Variants in CFAP52 observed in about 807,000 individuals in gnomAD.
The protein encoded by CFAP52 is cilia and flagella associated protein 52.
A neutral mutation model predicts 70.5 loss-of-function variants in CFAP52; 57 were observed. The ratio of observed to expected loss-of-function variants is 0.81; its 90% CI spans 0.65 to 1.01. CFAP52 has a LOEUF of 1.01. Among genes scored for constraint, CFAP52 ranks in the 50% least tolerant of loss-of-function variants. The pLI is 0.00. For missense variants in CFAP52, 785 were observed against 788.5 expected, an observed-to-expected ratio of 1.00 and a Z score of 0.05; for synonymous variants, 267 against 292.5, an observed-to-expected ratio of 0.91 and a Z score of 0.89.
At chr17:9,594,786 AC>A (rs1908923087) in intron 4 of CFAP52, among the ~76,000 whole-genome samples, 1 of 152,146 alleles carries the variant, frequency 6.6e-6, no homozygotes, top group Admixed American at 6.6e-5. Flanking sequence ...GCTAATGGTG[AC>A]CTAGCTGAAA....
intron 3 of CFAP52, among the ~76,000 whole-genome samples, chr17:9,591,649 G>A (rs530186874): frequency 5.1e-4 from 78 of 152,098 alleles, no homozygotes; most frequent in Non-Finnish European, 7.1e-4. Context: ...AGGCCAAGGC[G>A]GAAAGGATCA....
rs139653833 is a variant in CFAP52 at position 9,632,917 on chromosome 17, G to A, written c.1204G>A (p.Ala402Thr). 11 of 1,613,932 alleles carry A rather than the reference G, an allele frequency of 6.8e-6. No homozygotes were observed. The highest frequency in any genetic ancestry group is 6.8e-6 in the Non-Finnish European group (8 of 1,179,980). ...GAACGACGGTAAAATCCGAGCCTTC[G>A]CCCCAGAGACAGGCCGACTGATGTA... ...AWNDGKIRAFAPETGRLMYVI... is the reference protein window; with the variant it reads ...AWNDGKIRAFTPETGRLMYVI... Residue 402 changes from alanine (A) to threonine (T), a missense_variant, in exon 10 of 14, where the codon GCC (alanine) becomes ACC (threonine). By Grantham distance (58) the Ala-to-Thr change is moderately conservative. Transcript: ENST00000352665.
chr17:9,638,784 G>A, intron 12 of CFAP52, 73 bp downstream of exon 12: 1 of 1,478,372 alleles, frequency 6.8e-7, no homozygotes, highest in South Asian at 1.2e-5. Flanking sequence ...GGTGGAGGGT[G>A]CGGGCTCTGG....
chr17:9,640,194 G>T (rs1910988021), intron 12 of CFAP52, among the ~76,000 whole-genome samples: 1 of 150,606 alleles, frequency 6.6e-6, no homozygotes, highest in Admixed American at 6.6e-5. Context: ...GCACGTGCAG[G>T]TTTGCACTCC....
At chr17:9,638,465 A>C (rs1182989720) in intron 11 of CFAP52, 144 bp from the exon 12 acceptor site, 1 of 677,662 alleles carries the variant, frequency 1.5e-6, no homozygotes, top group Non-Finnish European at 2.6e-6. Flanking sequence ...AAATACAAGC[A>C]CCACTTTGCT....
Position 9,634,529 on chromosome 17 carries a change from G to T in CFAP52, c.1321-876G>T, listed in dbSNP as rs372844877. 2.9e-3 allele frequency among the ~76,000 whole-genome samples: 444 copies of T among 151,266 alleles called. 4 individuals carry two copies. Among genetic ancestry groups the T allele is most frequent in the Middle Eastern group, 0.01 (3 of 294 alleles). On this transcript the variant is annotated intron_variant, in intron 10 of 13. Transcript: ENST00000352665. ...GGCGTGGTGAGTTGGAGGTTGCAGT[G>T]AGCCGAGACCACGCCATTGCATTGC... is the stretch of plus-strand genomic sequence containing the variant.
intron 3 of CFAP52, among the ~76,000 whole-genome samples, chr17:9,593,175 C>T (rs557874685): frequency 6.6e-6 from 1 of 152,086 alleles, no homozygotes; most frequent in Non-Finnish European, 1.5e-5. Context: ...TCTTTAAACA[C>T]CTTGATTCGA....
chr17:9,627,525 T>A (rs998988737), intron 8 of CFAP52, among the ~76,000 whole-genome samples: 1 of 151,972 alleles, frequency 6.6e-6, no homozygotes, highest in Non-Finnish European at 1.5e-5. Flanking sequence ...AATAAATGAA[T>A]AAATAAATAA....
Position 9,616,560 on chromosome 17 carries a change from A to C in CFAP52, c.1025+4081A>C, listed in dbSNP as rs868823573. ...CTCTGGGGGCAGGGCACAGACAAAC[A>C]AAAAGACAGCAGTAACCTCTGCAGA... On this transcript the variant is annotated intron_variant, in intron 8 of 13. Transcript: ENST00000352665. Among the ~76,000 whole-genome samples the C allele has an allele frequency of 4.8e-5, 7 of 147,020 alleles. No homozygotes were observed. The Middle Eastern group carries it at 0.017, about 362-fold the overall frequency.
At chr17:9,612,207 T>G in intron 7 of CFAP52, 102 bp from the exon 8 acceptor site, 10 of 1,439,572 alleles carry the variant, frequency 6.9e-6, no homozygotes, top group Non-Finnish European at 8.5e-6. Flanking sequence ...AGGGCGTGTC[T>G]GAAATTATAT....
In CFAP52 at chr17:9,594,270, C is replaced by A; in HGVS notation, c.485C>A (p.Thr162Asn). ...GCCGGCCTCAATGTTGGCAATGCCA[C>A]CAATGTGATCTTCTCCAGGTGCCGG... ...PAAGLNVGNA[T>N]NVIFSRCRDE... Residue 162 changes from threonine to asparagine, a missense_variant, in exon 4 of 14, where the codon ACC becomes AAC. By Grantham distance (65) the Thr-to-Asn change is moderately conservative. Coordinates refer to ENST00000352665, the MANE Select transcript of CFAP52 (RefSeq NM_145054.5). The A allele has an allele frequency of 6.2e-7, 1 of 1,613,828 alleles. No individual in the cohort carries two copies. The highest frequency in any genetic ancestry group is 1.1e-5 in the South Asian group (1 of 91,056).
intron 4 of CFAP52, among the ~76,000 whole-genome samples, chr17:9,594,890 A>AG (rs1040157661): frequency 6.4e-5 from 5 of 78,740 alleles, no homozygotes; most frequent in Admixed American, 2.1e-4. Context: ...CAAATTAGGG[A>AG]GGGTTTTTTT....
In CFAP52 at chr17:9,608,132, T is replaced by C; in HGVS notation, c.767T>C (p.Ile256Thr). The change falls in exon 7 of 14, where the codon ATC (isoleucine) becomes ACC (threonine). Residue 256 changes from isoleucine (I) to threonine (T), a missense_variant. Physicochemically the swap from Ile to Thr is moderately conservative, Grantham distance 89. Transcript: ENST00000352665. ...TTTTCCCCCTAGGGAGTGTCAGCTA[T>C]CAGGTGCCTGAAGATGGGGGGTTTG... ...KDKFSLGVSA[I>T]RCLKMGGLLV... 1 of 1,612,558 alleles carries C rather than the reference T, an allele frequency of 6.2e-7. No individual in the cohort carries two copies.
chr17:9,586,927 A>C, intron 3 of CFAP52, 93 bp downstream of exon 3: 1 of 1,367,738 alleles, frequency 7.3e-7, no homozygotes, highest in Admixed American at 2.8e-5. Flanking sequence ...TATATAGGTA[A>C]ACTTATGTCA....
intron 3 of CFAP52, among the ~76,000 whole-genome samples, chr17:9,593,029 C>A (rs1908833950): frequency 6.6e-6 from 1 of 152,132 alleles, no homozygotes; most frequent in South Asian, 2.1e-4. Flanking sequence ...TGACTTCCTA[C>A]CTCCCTATTC....
chr17:9,602,368 T>TG (rs1408972795), intron 6 of CFAP52, among the ~76,000 whole-genome samples: 10 of 135,198 alleles, frequency 7.4e-5, no homozygotes, highest in Non-Finnish European at 1.6e-4. Flanking sequence ...AATGAGAACA[T>TG]GCGGTGTTTG....
chr17:9,591,087 G>A (rs1171096793), intron 3 of CFAP52, among the ~76,000 whole-genome samples: 4 of 137,382 alleles, frequency 2.9e-5, no homozygotes, highest in African/African-American at 8.3e-5. Context: ...TCCCAGGCTG[G>A]AGTGCAACGG....
intron 4 of CFAP52, among the ~76,000 whole-genome samples, chr17:9,595,753 A>G (rs1908969325): frequency 1.3e-5 from 2 of 151,950 alleles, no homozygotes; most frequent in Non-Finnish European, 2.9e-5. Flanking sequence ...AATTTTTGAC[A>G]TGGCACCTAT....
chr17:9,615,986 G>C lies in CFAP52; in HGVS notation c.1025+3507G>C, dbSNP rs191946802. 3.4e-4 allele frequency among the ~76,000 whole-genome samples: 52 copies of C among 151,548 alleles called. 1 individual carries two copies. Among genetic ancestry groups the C allele is most frequent in the African/African-American group, 1.2e-3 (48 of 41,340 alleles). On this transcript the variant is annotated intron_variant, in intron 8 of 13. Transcript: ENST00000352665. ...ATACATATTTAAATATAGTTTTTCG[G>C]GGGGAGGAGCCAAGATGGCCGAATA...
Sources: allele counts gnomAD v4.1 joint callset (sites outside exome capture counted in the v4.1 genomes callset), GRCh38; gene constraint gnomAD v4.1.1; transcripts MANE v1.5; gene names NCBI Gene and HGNC (gene_info 2026-07-23, HGNC 2026-07-21).